Variants in NEMP2 observed in about 807,000 individuals in gnomAD.
NEMP2 encodes the protein UPF0571 transmembrane protein.
Under a neutral mutation model 54.2 loss-of-function variants are expected in NEMP2, and 53 were observed. The observed-to-expected ratio is 0.98, with a 90% confidence interval of 0.78 to 1.23. The LOEUF is 1.23. Ranked by LOEUF, NEMP2 falls within the 50% of genes most tolerant of loss-of-function variation. The pLI is 0.00. For missense variants in NEMP2, 455 were observed against 511.3 expected, an observed-to-expected ratio of 0.89 and a Z score of 1.06; for synonymous variants, 197 against 190.3, an observed-to-expected ratio of 1.04 and a Z score of -0.29.
the NEMP2 span, among the ~76,000 whole-genome samples, chr2:190,494,843 C>T: frequency 1.3e-5 from 2 of 152,056 alleles, no homozygotes; most frequent in Admixed American, 1.3e-4. This position sits in a 1 kb window ranked among gnomAD's most constrained non-coding sequence, Gnocchi z 5.7. Context: ...ATACAAGAGA[C>T]ATAACACAGT....
the NEMP2 span, among the ~76,000 whole-genome samples, chr2:190,449,486 T>A: frequency 2.0e-5 from 3 of 151,640 alleles, no homozygotes; most frequent in African/African-American, 7.3e-5. Context: ...AAAAAAAAAA[T>A]TAATATCAAA....
chr2:190,532,996 A>G (rs546983968), intron 1 of NEMP2, among the ~76,000 whole-genome samples: 1 of 152,246 alleles, frequency 6.6e-6, no homozygotes, highest in Non-Finnish European at 1.5e-5. Context: ...ATAAGTATTT[A>G]TGTGTGTCTT....
At chr2:190,551,521 TC>T in the NEMP2 span, among the ~76,000 whole-genome samples, 3 of 152,178 alleles carry the variant, frequency 2.0e-5, no homozygotes, top group African/African-American at 7.2e-5. Context: ...TTCTGCCACC[TC>T]AATTCTGAGT....
the NEMP2 span, among the ~76,000 whole-genome samples, chr2:190,573,925 T>C: frequency 1.3e-5 from 2 of 152,314 alleles, no homozygotes; most frequent in South Asian, 4.1e-4. Flanking sequence ...ATCTTCAGAA[T>C]AAATTTGAAA....
the NEMP2 span, among the ~76,000 whole-genome samples, chr2:190,615,541 T>C: frequency 1.3e-5 from 2 of 152,158 alleles, no homozygotes; most frequent in African/African-American, 4.8e-5. This position sits in a 1 kb window ranked among gnomAD's most constrained non-coding sequence, Gnocchi z 4.7. Context: ...TCCAAACCTA[T>C]CCTTGGAGGT....
chr2:190,499,222 A>C, the NEMP2 span, among the ~76,000 whole-genome samples: 1 of 152,226 alleles, frequency 6.6e-6, no homozygotes. This position sits in a 1 kb window ranked among gnomAD's most constrained non-coding sequence, Gnocchi z 6.0. Context: ...ACTGGCAGGT[A>C]TGCTGTAGTT....
chr2:190,495,338 G>A, the NEMP2 span, among the ~76,000 whole-genome samples: 1 of 152,154 alleles, frequency 6.6e-6, no homozygotes, highest in Admixed American at 6.6e-5. This position sits in a 1 kb window ranked among gnomAD's most constrained non-coding sequence, Gnocchi z 4.7. Flanking sequence ...ACTGCTGAAA[G>A]AAATCATACA....
chr2:190,633,311 CTTTTTTT>C, the NEMP2 span, among the ~76,000 whole-genome samples: 17 of 132,514 alleles, frequency 1.3e-4, no homozygotes, highest in African/African-American at 2.6e-4. Flanking sequence ...TCAACTTTTC[CTTTTTTT>C]TTTTTTTTTT....
At chr2:190,631,729 G>A in the NEMP2 span, among the ~76,000 whole-genome samples, 1 of 152,110 alleles carries the variant, frequency 6.6e-6, no homozygotes, top group African/African-American at 2.4e-5. Flanking sequence ...CCTATCAGGA[G>A]ACAGTCCAAT....
chr2:190,604,297 CT>C, the NEMP2 span, among the ~76,000 whole-genome samples: 2 of 152,184 alleles, frequency 1.3e-5, no homozygotes, highest in African/African-American at 4.8e-5. The surrounding 1 kb of genome is among the most constrained non-coding windows in gnomAD (Gnocchi z 4.5). Flanking sequence ...GTGGTATGGA[CT>C]TTTTCCTACC....
chr2:190,517,604 A>G lies in NEMP2; in HGVS notation c.528T>C (p.Thr176=). 2 of 1,548,982 alleles carry G rather than the reference A, an allele frequency of 1.3e-6. No individual in the cohort carries two copies. The highest frequency in any genetic ancestry group is 8.7e-7 in the Non-Finnish European group (1 of 1,145,852). The part of the protein sequence containing the change: ...FYARTLSQSP[T]FYYSSGTVLG... ...GCACAGTTCCCGAGGAGTAATAGAAAGTAGGGCTTCTGTCAAGATAAGCAG... is the reference window on the plus strand; with the variant it reads ...GCACAGTTCCCGAGGAGTAATAGAAGGTAGGGCTTCTGTCAAGATAAGCAG... The change falls in exon 5 of 9, where the codon ACT becomes ACC. Residue 176 remains threonine (T), a synonymous_variant. Transcript: ENST00000409150.
At chr2:190,605,093 A>ATT in the NEMP2 span, among the ~76,000 whole-genome samples, 2 of 151,972 alleles carry the variant, frequency 1.3e-5, no homozygotes, top group Non-Finnish European at 2.9e-5. Flanking sequence ...CTGAACTCTC[A>ATT]TTTTTCATTT....
the NEMP2 span, among the ~76,000 whole-genome samples, chr2:190,647,710 CT>C: frequency 1.7e-3 from 176 of 102,358 alleles, no homozygotes; most frequent in Middle Eastern, 0.022. Flanking sequence ...TCTTCTTCTT[CT>C]TTTTTTTTTT....
the NEMP2 span, among the ~76,000 whole-genome samples, chr2:190,430,595 A>G: frequency 1.3e-5 from 2 of 152,076 alleles, no homozygotes; most frequent in African/African-American, 2.4e-5. Flanking sequence ...AAAGTCTCCC[A>G]TGTCTGCTTC....
chr2:190,516,475 C>T, intron 5 of NEMP2, 91 bp from the exon 6 acceptor site: 1 of 933,216 alleles, frequency 1.1e-6, no homozygotes, highest in South Asian at 1.7e-5. Flanking sequence ...GTATTAGAAA[C>T]TCCTACATCA....
At chr2:190,422,295 T>C in the NEMP2 span, among the ~76,000 whole-genome samples, 1 of 152,198 alleles carries the variant, frequency 6.6e-6, no homozygotes, top group African/African-American at 2.4e-5. Flanking sequence ...CCCACTAGAC[T>C]GGTTGCCCTT....
chr2:190,498,281 G>A, the NEMP2 span, among the ~76,000 whole-genome samples: 2 of 152,182 alleles, frequency 1.3e-5, no homozygotes, highest in African/African-American at 2.4e-5. The surrounding 1 kb of genome is among the most constrained non-coding windows in gnomAD (Gnocchi z 5.9). Flanking sequence ...AATTGTACAG[G>A]TGTATCCCGA....
chr2:190,640,363 T>C, the NEMP2 span, among the ~76,000 whole-genome samples: 2 of 150,156 alleles, frequency 1.3e-5, no homozygotes, highest in African/African-American at 4.9e-5. Context: ...CCAGCAATGA[T>C]GAGCCCCTAA....
At position 190,512,909 on chromosome 2, in the gene NEMP2, CCACA is replaced by C. The variant is rs139203561; in HGVS notation, c.953+1540_953+1543del. On this transcript the variant is annotated intron_variant, in intron 7 of 8. Coordinates refer to ENST00000409150, the MANE Select transcript of NEMP2 (RefSeq NM_001142645.2). This position sits in a 1 kb window ranked among gnomAD's most constrained non-coding sequence, Gnocchi z 4.5. ...GTGCAATTTTAACCCTGTGATATTG[CCACA>C]CACACACACAGTCACCAGTTCCATA... Among the ~76,000 whole-genome samples, 2 of 151,778 alleles carry C rather than the reference CCACA, an allele frequency of 1.3e-5. No individual in the cohort carries two copies. Among genetic ancestry groups the C allele is most frequent in the Admixed American group, 6.6e-5 (1 of 15,242 alleles).
Sources: allele counts gnomAD v4.1 joint callset (sites outside exome capture counted in the v4.1 genomes callset), GRCh38; gene constraint gnomAD v4.1.1; non-coding constraint Gnocchi (gnomAD v3.1); transcripts MANE v1.5; gene names NCBI Gene and HGNC (gene_info 2026-07-23, HGNC 2026-07-21).